CHSY3: variants seen among roughly 807,000 people sequenced by gnomAD.
CHSY3 encodes the protein N-acetylgalactosaminyl-proteoglycan 3-beta-glucuronosyltransferase 3.
Under a neutral mutation model 67.2 loss-of-function variants are expected in CHSY3, and 35 were observed. That is an observed-to-expected ratio of 0.52 (90% CI 0.40 to 0.69). CHSY3 has a LOEUF of 0.69. CHSY3 is among the 30% of genes least tolerant of loss of function. The pLI is 0.00. For synonymous variants in CHSY3, 474 were observed against 434.7 expected (o/e 1.09, Z -1.12); for missense variants, 1,069 against 1,138.5 (o/e 0.94, Z 0.88).
At chr5:129,997,594 G>A (rs1034018124) in intron 2 of CHSY3, among the ~76,000 whole-genome samples, 1 of 151,936 alleles carries the variant, frequency 6.6e-6, no homozygotes, top group Non-Finnish European at 1.5e-5. Context: ...TGCCATGTTG[G>A]TTTGCTGCAC....
intron 2 of CHSY3, among the ~76,000 whole-genome samples, chr5:130,058,192 C>T (rs1398105072): frequency 6.6e-6 from 1 of 152,068 alleles, no homozygotes; most frequent in East Asian, 1.9e-4. Flanking sequence ...ATTTGTTGGT[C>T]ATATTGATTT....
intron 2 of CHSY3, among the ~76,000 whole-genome samples, chr5:129,942,716 C>T (rs1319903023): frequency 6.6e-6 from 1 of 152,142 alleles, no homozygotes; most frequent in African/African-American, 2.4e-5. Flanking sequence ...ATTATCTTTG[C>T]ATTCTACCTA....
chr5:129,954,490 T>C (rs1762113077), intron 2 of CHSY3, among the ~76,000 whole-genome samples: 1 of 151,994 alleles, frequency 6.6e-6, no homozygotes, highest in African/African-American at 2.4e-5. Flanking sequence ...CATATGAAAT[T>C]TAAAGTAGTT....
intron 2 of CHSY3, chr5:130,052,066 T>C (rs1765377289): frequency 6.6e-6 from 1 of 152,254 alleles, no homozygotes; most frequent in Admixed American, 6.6e-5. Context: ...TGCATCATTC[T>C]TTTCTTTCTC....
At chr5:129,953,361 T>G (rs935788244) in intron 2 of CHSY3, among the ~76,000 whole-genome samples, 1 of 152,232 alleles carries the variant, frequency 6.6e-6, no homozygotes, top group African/African-American at 2.4e-5. Flanking sequence ...AGCCACATTT[T>G]CTTTATCCAG....
At chr5:130,094,400 CT>C (rs1046280951) in intron 2 of CHSY3, among the ~76,000 whole-genome samples, 3 of 152,168 alleles carry the variant, frequency 2.0e-5, no homozygotes, top group African/African-American at 7.2e-5. Context: ...ACCTGTTGGA[CT>C]TTTTCTGTGT....
At chr5:130,060,446 A>G (rs1765674197) in intron 2 of CHSY3, among the ~76,000 whole-genome samples, 1 of 152,130 alleles carries the variant, frequency 6.6e-6, no homozygotes, top group Non-Finnish European at 1.5e-5. Flanking sequence ...CAACAAACCC[A>G]CAGTTATCAT....
chr5:129,928,274 A>C (rs569704041), intron 2 of CHSY3, among the ~76,000 whole-genome samples: 62 of 145,474 alleles, frequency 4.3e-4, no homozygotes, highest in African/African-American at 1.6e-3. Context: ...TTGTTAGTTC[A>C]TATTTGTCAT....
chr5:130,135,187 C>A (rs1243203113), intron 2 of CHSY3, among the ~76,000 whole-genome samples: 2 of 151,258 alleles, frequency 1.3e-5, no homozygotes, highest in Admixed American at 6.6e-5. Context: ...TGTGTGTATA[C>A]ATACATACAT....
intron 2 of CHSY3, among the ~76,000 whole-genome samples, chr5:129,983,163 G>T (rs1159331953): frequency 6.6e-6 from 1 of 152,056 alleles, no homozygotes; most frequent in East Asian, 1.9e-4. Context: ...GACGATGTTT[G>T]TGTATTTTAA....
At chr5:130,089,266 A>G (rs1299960662) in intron 2 of CHSY3, among the ~76,000 whole-genome samples, 1 of 150,160 alleles carries the variant, frequency 6.7e-6, no homozygotes, top group Non-Finnish European at 1.5e-5. Flanking sequence ...AGATATACCT[A>G]ATGCTAAATG....
chr5:130,156,006 T>C (rs1239948767), intron 2 of CHSY3, among the ~76,000 whole-genome samples: 2 of 152,214 alleles, frequency 1.3e-5, no homozygotes, highest in Non-Finnish European at 2.9e-5. Context: ...TCCAAATCAA[T>C]AGATCTTATG....
chr5:129,984,398 T>C (rs1233415172), intron 2 of CHSY3, among the ~76,000 whole-genome samples: 1 of 152,152 alleles, frequency 6.6e-6, no homozygotes, highest in Non-Finnish European at 1.5e-5. Flanking sequence ...CCGTGGTGTA[T>C]ATGTACCATA....
intron 2 of CHSY3, among the ~76,000 whole-genome samples, chr5:130,055,398 T>A (rs1409334997): frequency 7.4e-6 from 1 of 135,718 alleles, no homozygotes; most frequent in Non-Finnish European, 1.7e-5. Flanking sequence ...AGTAAATACA[T>A]CCATTAATAA....
intron 2 of CHSY3, among the ~76,000 whole-genome samples, chr5:129,962,321 A>G (rs184092192): frequency 1.1e-4 from 17 of 152,006 alleles, no homozygotes; most frequent in Non-Finnish European, 1.6e-4. Context: ...CTCTCCCTGA[A>G]TTCAATCTGT....
chr5:129,921,232 G>A (rs1001930919), intron 2 of CHSY3, among the ~76,000 whole-genome samples: 5 of 152,284 alleles, frequency 3.3e-5, no homozygotes, highest in East Asian at 1.9e-4. Context: ...CTTTGGGGCC[G>A]TTATTAAGTA....
rs1050450570 is a variant in CHSY3 at position 129,905,081 on chromosome 5, G to A, written c.252G>A (p.Gln84=). Residue 84 remains glutamine (Q), a synonymous_variant, in exon 1 of 3, where the codon CAG becomes CAA. Transcript: ENST00000305031. ...QSPPPARQDL[Q]GPPLPEAAPG... ...CGCCCCCCGCGCGCCAGGATCTCCA[G>A]GGGCCACCGCTGCCCGAGGCAGCAC... 3.9e-6 allele frequency: 6 copies of A among 1,544,058 alleles called. No homozygotes were observed. The highest frequency in any genetic ancestry group is 4.3e-6 in the Non-Finnish European group (5 of 1,151,028).
chr5:130,028,534 C>T (rs1261455608), intron 2 of CHSY3, among the ~76,000 whole-genome samples: 2 of 152,156 alleles, frequency 1.3e-5, no homozygotes, highest in African/African-American at 4.8e-5. Flanking sequence ...ACTATTATTA[C>T]AATTACTATT....
intron 2 of CHSY3, among the ~76,000 whole-genome samples, chr5:130,012,318 C>T (rs946127836): frequency 6.6e-6 from 1 of 152,160 alleles, no homozygotes; most frequent in South Asian, 2.1e-4. Flanking sequence ...AGATCTTATA[C>T]AAAGCCAACA....
Sources: allele counts gnomAD v4.1 joint callset (sites outside exome capture counted in the v4.1 genomes callset), GRCh38; gene constraint gnomAD v4.1.1; transcripts MANE v1.5; gene names NCBI Gene and HGNC (gene_info 2026-07-23, HGNC 2026-07-21).